SLCO1B1: variants seen among roughly 807,000 people sequenced by gnomAD.
SLCO1B1 encodes solute carrier organic anion transporter family member 1B1.
SLCO1B1 carries 81 observed loss-of-function variants against 70.1 expected under a neutral mutation model. The observed-to-expected ratio is 1.16, with a 90% CI of 0.97 to 1.39. The LOEUF (loss-of-function observed/expected upper bound fraction) is 1.39. Ranked by LOEUF, SLCO1B1 falls within the 40% of genes most tolerant of loss-of-function variation. The pLI, the probability that SLCO1B1 is intolerant of heterozygous loss-of-function variation, is 0.00. For missense variants in SLCO1B1, 895 were observed against 799.6 expected, an observed-to-expected ratio of 1.12 and a Z score of -1.44; for synonymous variants, 283 against 271.5, an observed-to-expected ratio of 1.04 and a Z score of -0.42.
intron 1 of SLCO1B1, among the ~76,000 whole-genome samples, chr12:21,133,881 C>T (rs998885703): frequency 3.9e-5 from 6 of 152,186 alleles, no homozygotes; most frequent in Admixed American, 6.6e-5. Flanking sequence ...TGAATAGGAG[C>T]AGTGAGAGAG....
intron 2 of SLCO1B1, among the ~76,000 whole-genome samples, chr12:21,146,351 C>A (rs899280200): frequency 6.6e-6 from 1 of 151,974 alleles, no homozygotes; most frequent in Non-Finnish European, 1.5e-5. Flanking sequence ...TCTTAGGTAA[C>A]CTGGCTGGGT....
Position 21,239,170 on chromosome 12 carries a change from A to G in SLCO1B1, c.2057A>G (p.Asp686Gly), listed in dbSNP as rs201158567. Residue 686 changes from aspartate (D) to glycine (G), a missense_variant, in exon 15 of 15, where the codon GAT becomes GGT. Asp to Gly is a moderately conservative substitution (Grantham distance 94). Coordinates refer to ENST00000256958, the MANE Select transcript of SLCO1B1 (RefSeq NM_006446.5). ...NKHFVPSAGA[D>G]SETHC is the part of the protein sequence containing the mutation. ...CATTTTGTCCCTTCTGCTGGGGCAG[A>G]TAGTGAAACACATTGTTAAGGGGAG... 3.1e-6 allele frequency: 5 copies of G among 1,612,460 alleles called. No individual in the cohort carries two copies. The highest frequency in any genetic ancestry group is 4.2e-6 in the Non-Finnish European group (5 of 1,178,828).
intron 14 of SLCO1B1, among the ~76,000 whole-genome samples, chr12:21,227,083 T>G (rs1369638185): frequency 6.6e-6 from 1 of 152,098 alleles, no homozygotes; most frequent in African/African-American, 2.4e-5. Context: ...TTCTAGAAAT[T>G]TATCCTACAG....
chr12:21,206,619 C>A (rs1591820262), intron 11 of SLCO1B1, among the ~76,000 whole-genome samples: 1 of 151,816 alleles, frequency 6.6e-6, no homozygotes, highest in Non-Finnish European at 1.5e-5. Flanking sequence ...AATGTAGTAT[C>A]CTGCTCACCT....
intron 7 of SLCO1B1, among the ~76,000 whole-genome samples, chr12:21,188,330 A>C (rs1236886300): frequency 6.6e-6 from 1 of 152,120 alleles, no homozygotes; most frequent in African/African-American, 2.4e-5. Context: ...ATGATGGTCC[A>C]CTTCAACTTA....
chr12:21,218,746 A>G (rs1301128184), intron 12 of SLCO1B1, among the ~76,000 whole-genome samples: 3 of 152,194 alleles, frequency 2.0e-5, no homozygotes, highest in Non-Finnish European at 4.4e-5. Context: ...ATGAGTTTGA[A>G]AAAACACTGT....
intron 2 of SLCO1B1, among the ~76,000 whole-genome samples, chr12:21,147,350 A>G (rs1039207268): frequency 2.6e-5 from 4 of 152,158 alleles, no homozygotes; most frequent in Admixed American, 2.6e-4. Flanking sequence ...CATTTGTTAC[A>G]TAGGTAAACA....
rs143654242 is a variant in SLCO1B1 at position 21,235,853 on chromosome 12, T to G, written c.1866-3126T>G. On this transcript the variant is annotated intron_variant, in intron 14 of 14. Transcript: ENST00000256958. ...TTGGCTGTCATTATTATTTTTCTTT[T>G]GTAAGTCTAACAATAGGCCCCCAGT... is the stretch of plus-strand genomic sequence containing the variant. Among the ~76,000 whole-genome samples, 1,148 of 152,256 alleles carry G rather than the reference T, an allele frequency of 7.5e-3. 22 individuals are homozygous for G. The highest frequency in any genetic ancestry group is 0.027 in the African/African-American group (1,107 of 41,534).
chr12:21,219,929 T>G (rs961087194), intron 12 of SLCO1B1, among the ~76,000 whole-genome samples: 4 of 152,126 alleles, frequency 2.6e-5, no homozygotes. Flanking sequence ...GCCTGACTAA[T>G]TTTTGTATTT....
chr12:21,171,064 T>C (rs1462751510), intron 2 of SLCO1B1, among the ~76,000 whole-genome samples: 1 of 152,142 alleles, frequency 6.6e-6, no homozygotes, highest in Non-Finnish European at 1.5e-5. Context: ...TGTGGCAATA[T>C]AAAATAAACT....
intron 14 of SLCO1B1, among the ~76,000 whole-genome samples, chr12:21,226,701 C>T (rs1941485682): frequency 6.6e-6 from 1 of 151,898 alleles, no homozygotes. Context: ...AAAAAGCAAA[C>T]TCTAATCTAA....
chr12:21,155,407 A>G (rs57659684), intron 2 of SLCO1B1, among the ~76,000 whole-genome samples: 3,968 of 151,164 alleles, frequency 0.026, 197 homozygotes, highest in African/African-American at 0.091. Flanking sequence ...TTTTGCTTTT[A>G]TTTCATTTTG....
chr12:21,197,201 C>T lies in SLCO1B1; in HGVS notation c.970+13C>T, dbSNP rs778309268. 16 of 1,611,592 alleles carry T rather than the reference C, an allele frequency of 9.9e-6. No homozygotes were observed. The highest frequency in any genetic ancestry group is 1.4e-5 in the Non-Finnish European group (16 of 1,178,848). ...AAAAATGTGACTGGTAAGTATTTAACATTCATTGTCAATTTGGAGTTGTTA... is the reference window on the plus strand; with the variant it reads ...AAAAATGTGACTGGTAAGTATTTAATATTCATTGTCAATTTGGAGTTGTTA... On this transcript the variant is annotated intron_variant, in intron 8 of 14. Coordinates refer to ENST00000256958, the MANE Select transcript of SLCO1B1 (RefSeq NM_006446.5).
intron 1 of SLCO1B1, among the ~76,000 whole-genome samples, chr12:21,133,021 G>A (rs1019366981): frequency 6.6e-6 from 1 of 151,968 alleles, no homozygotes; most frequent in Non-Finnish European, 1.5e-5. Context: ...AAGGTGTAAG[G>A]AAGGGATCCA....
At position 21,200,542 on chromosome 12, in the gene SLCO1B1, T is replaced by C; in HGVS notation, c.1005T>C (p.Asn335=). 1 of 1,593,520 alleles carries C rather than the reference T, an allele frequency of 6.3e-7. No homozygotes were observed. The highest frequency in any genetic ancestry group is 8.6e-7 in the Non-Finnish European group (1 of 1,168,714). Residue 335 remains asparagine (N), a synonymous_variant, in exon 9 of 15, where the codon AAT becomes AAC. Transcript: ENST00000256958. ...AGTCTTTTAAAAGCATCCTTACTAA[T>C]CCCCTGTATGTTATGTTTGTGCTTT... ...FFQSFKSILT[N]PLYVMFVLLT...
chr12:21,197,082 A>G lies in SLCO1B1; in HGVS notation c.864A>G (p.Lys288=), dbSNP rs749124299. 8.1e-6 allele frequency: 13 copies of G among 1,613,796 alleles called. No homozygotes were observed. The South Asian group carries it at 1.3e-4, about 16-fold the overall frequency. The change falls in exon 8 of 15, where the codon AAA becomes AAG. Residue 288 remains lysine, a synonymous_variant. Transcript: ENST00000256958. ...FLPQTPNKPQ[K]ERKASLSLHV... ...CCCAAACTCCAAATAAACCACAAAA[A>G]GAAAGAAAAGCTTCACTGTCTTTGC...
intron 11 of SLCO1B1, among the ~76,000 whole-genome samples, chr12:21,209,207 C>CA (rs926696064): frequency 2.0e-5 from 3 of 151,812 alleles, no homozygotes; most frequent in African/African-American, 7.3e-5. Context: ...ATCCCTCCCC[C>CA]CTCCTCCCAC....
In SLCO1B1 at chr12:21,135,303, A is replaced by G. The variant is rs552563020; in HGVS notation, c.-62+4067A>G. 2.7e-4 allele frequency among the ~76,000 whole-genome samples: 41 copies of G among 152,276 alleles called. No homozygotes were observed. In the East Asian group the frequency reaches 7.7e-3, roughly 29 times the overall value. On this transcript the variant is annotated intron_variant, in intron 1 of 14. Transcript: ENST00000256958. Reference sequence around the variant, plus strand: ...TGTGGTGTGGTGCTGAAAAGAATGTATATTCTGTTGATTTGGGGTGGAGAG... The same window carrying G: ...TGTGGTGTGGTGCTGAAAAGAATGTGTATTCTGTTGATTTGGGGTGGAGAG...
chr12:21,231,141 A>G (rs1191844067), intron 14 of SLCO1B1, among the ~76,000 whole-genome samples: 2 of 151,994 alleles, frequency 1.3e-5, no homozygotes, highest in East Asian at 3.9e-4. Context: ...TGTCCCTACA[A>G]AGGACATGAA....
Sources: gnomAD v4.1 joint callset for allele counts (sites outside exome capture counted in the v4.1 genomes callset) on GRCh38, gnomAD v4.1.1 for gene constraint, MANE v1.5 for transcripts, NCBI Gene and HGNC (gene_info 2026-07-23, HGNC 2026-07-21) for gene names.